RABGAP1L: variants seen among roughly 807,000 people sequenced by gnomAD.
RABGAP1L encodes RAB GTPase activating protein 1 like.
A neutral mutation model predicts 137.7 loss-of-function variants in RABGAP1L; 63 were observed. That is an observed-to-expected ratio of 0.46 (90% confidence interval 0.37 to 0.56). The LOEUF (loss-of-function observed/expected upper bound fraction) is 0.56. Ranked by LOEUF, RABGAP1L falls within the 20% of genes least tolerant of loss-of-function variation. The pLI, the probability that RABGAP1L is intolerant of heterozygous loss-of-function variation, is 0.00. For synonymous variants in RABGAP1L, 431 were observed against 433.7 expected, an observed-to-expected ratio of 0.99 and a Z score of 0.08; for missense variants, 1,095 against 1,244.0, an observed-to-expected ratio of 0.88 and a Z score of 1.80.
At chr1:174,482,139 G>A (rs1413187329) in intron 13 of RABGAP1L, among the ~76,000 whole-genome samples, 1 of 152,142 alleles carries the variant, frequency 6.6e-6, no homozygotes, top group Non-Finnish European at 1.5e-5. Flanking sequence ...AGAACCATGA[G>A]CAAGGAATGT....
chr1:174,710,844 C>G (rs948157402), intron 17 of RABGAP1L, among the ~76,000 whole-genome samples: 2 of 152,210 alleles, frequency 1.3e-5, no homozygotes, highest in Non-Finnish European at 2.9e-5. Flanking sequence ...TGTAAATAGG[C>G]TAAATACCCC....
At chr1:174,202,498 G>T (rs1430976058) in intron 1 of RABGAP1L, among the ~76,000 whole-genome samples, 1 of 152,076 alleles carries the variant, frequency 6.6e-6, no homozygotes, top group Non-Finnish European at 1.5e-5. Flanking sequence ...TGATGGGGTT[G>T]TTTGTTTTTT....
intron 13 of RABGAP1L, among the ~76,000 whole-genome samples, chr1:174,418,478 A>G (rs1650869869): frequency 6.6e-6 from 1 of 152,210 alleles, no homozygotes; most frequent in Non-Finnish European, 1.5e-5. Flanking sequence ...AATGGTTATA[A>G]TTAAATCATG....
At chr1:174,599,370 A>G (rs944679074) in intron 13 of RABGAP1L, among the ~76,000 whole-genome samples, 2 of 152,218 alleles carry the variant, frequency 1.3e-5, no homozygotes, top group African/African-American at 4.8e-5. Context: ...TAAGTAGTTT[A>G]CAGACCACTG....
intron 19 of RABGAP1L, among the ~76,000 whole-genome samples, chr1:174,923,756 C>G (rs922471486): frequency 6.6e-6 from 1 of 151,872 alleles, no homozygotes; most frequent in Non-Finnish European, 1.5e-5. Flanking sequence ...TGGCACGTGC[C>G]TGTAATCCCA....
At chr1:174,613,623 T>C (rs1318784422) in intron 13 of RABGAP1L, among the ~76,000 whole-genome samples, 2 of 152,212 alleles carry the variant, frequency 1.3e-5, no homozygotes, top group African/African-American at 4.8e-5. Flanking sequence ...GTTAACTTTC[T>C]GTCTCATTGA....
chr1:174,323,342 C>T (rs1680176266), intron 11 of RABGAP1L, among the ~76,000 whole-genome samples: 1 of 151,966 alleles, frequency 6.6e-6, no homozygotes, highest in South Asian at 2.1e-4. Flanking sequence ...AAATTCAAAT[C>T]TATGTAAATC....
chr1:174,781,836 T>A (rs554982370), intron 18 of RABGAP1L, among the ~76,000 whole-genome samples: 1 of 152,222 alleles, frequency 6.6e-6, no homozygotes, highest in Non-Finnish European at 1.5e-5. Flanking sequence ...CTTTCCCCAT[T>A]TCTTGTTTTT....
rs1362171964 is a variant in RABGAP1L, at chr1:174,609,075, C to T, written c.1711-28300C>T. Among the ~76,000 whole-genome samples, 4 of 152,092 alleles carry T rather than the reference C, an allele frequency of 2.6e-5. No homozygotes were observed. In the South Asian group the frequency reaches 8.3e-4, roughly 31 times the overall value. On this transcript the variant is annotated intron_variant, in intron 13 of 25. Coordinates refer to ENST00000681986, the MANE Select transcript of RABGAP1L (RefSeq NM_001366446.1). ...ACACTTATGCCTAATTACCTTAACACTTATAACTAATCACTATGCAAAGTA... is the reference window on the plus strand; with the variant it reads ...ACACTTATGCCTAATTACCTTAACATTTATAACTAATCACTATGCAAAGTA...
At chr1:174,958,127 T>C in intron 20 of RABGAP1L, 1 of 1,498,392 alleles carries the variant, frequency 6.7e-7, no homozygotes, top group Non-Finnish European at 8.9e-7. Context: ...CTGTAGAAAA[T>C]GTTAAAAATA....
chr1:174,901,420 G>A (rs1156963298), intron 19 of RABGAP1L, among the ~76,000 whole-genome samples: 6 of 152,126 alleles, frequency 3.9e-5, no homozygotes, highest in African/African-American at 1.4e-4. Context: ...ATGAGTGCCC[G>A]GTAAAGGGAG....
chr1:174,684,419 T>A (rs189303736), intron 15 of RABGAP1L, among the ~76,000 whole-genome samples: 2 of 152,150 alleles, frequency 1.3e-5, no homozygotes, highest in Non-Finnish European at 2.9e-5. Context: ...GGGCACAGCA[T>A]ACAAAGGGAA....
chr1:174,424,588 T>C (rs964750047), intron 13 of RABGAP1L, among the ~76,000 whole-genome samples: 2 of 151,992 alleles, frequency 1.3e-5, no homozygotes, highest in Non-Finnish European at 2.9e-5. Context: ...TTTATAGAAA[T>C]TGAAAAGGTG....
At position 174,675,385 on chromosome 1, in the gene RABGAP1L, G is replaced by A. The variant is rs1677535178; in HGVS notation, c.1825-8137G>A. Among the ~76,000 whole-genome samples, 9 of 152,084 alleles carry A rather than the reference G, an allele frequency of 5.9e-5. No homozygotes were observed. The South Asian group carries it at 1.9e-3, about 32-fold the overall frequency. ...GCTTGTTTTTCTCAGATTTGTCAAA[G>A]ATCAGATAGTTGTAGATATGTGGCG... On this transcript the variant is annotated intron_variant, in intron 14 of 25. Coordinates refer to ENST00000681986, the MANE Select transcript of RABGAP1L (RefSeq NM_001366446.1).
intron 17 of RABGAP1L, among the ~76,000 whole-genome samples, chr1:174,703,729 A>T (rs1679841464): frequency 6.6e-6 from 1 of 152,162 alleles, no homozygotes; most frequent in South Asian, 2.1e-4. Flanking sequence ...TTTTCTCTAC[A>T]TCCTCACTAA....
chr1:174,486,827 T>C (rs946529948), intron 13 of RABGAP1L, among the ~76,000 whole-genome samples: 7 of 152,152 alleles, frequency 4.6e-5, no homozygotes, highest in African/African-American at 1.7e-4. Flanking sequence ...TGGTATGTTA[T>C]ATTTTTATTA....
intron 21 of RABGAP1L, among the ~76,000 whole-genome samples, chr1:174,975,077 A>G (rs1253860597): frequency 6.6e-6 from 1 of 152,246 alleles, no homozygotes; most frequent in South Asian, 2.1e-4. Flanking sequence ...TGCAGTCTGC[A>G]TCTGCAATGA....
At chr1:174,302,155 G>A (rs1337400994) in intron 10 of RABGAP1L, among the ~76,000 whole-genome samples, 1 of 152,186 alleles carries the variant, frequency 6.6e-6, no homozygotes, top group African/African-American at 2.4e-5. Flanking sequence ...TATTACCATA[G>A]TAATTATTTT....
chr1:174,942,493 A>C (rs955784253), intron 19 of RABGAP1L, among the ~76,000 whole-genome samples: 4 of 152,216 alleles, frequency 2.6e-5, no homozygotes, highest in Non-Finnish European at 4.4e-5. Flanking sequence ...CAAAGCAAGG[A>C]TATTAAACCC....
Sources: gnomAD v4.1 joint callset for allele counts (sites outside exome capture counted in the v4.1 genomes callset) on GRCh38, gnomAD v4.1.1 for gene constraint, MANE v1.5 for transcripts, NCBI Gene and HGNC (gene_info 2026-07-23, HGNC 2026-07-21) for gene names.